The following AUTS2 variants were observed in gnomAD, a reference collection of about 807,000 sequenced individuals.
AUTS2 encodes the protein activator of transcription and developmental regulator AUTS2, also known as autism susceptibility gene 2 protein.
Under a neutral mutation model 112.4 loss-of-function variants are expected in AUTS2, and 17 were observed. That is an observed-to-expected ratio of 0.15 (90% CI 0.10 to 0.23). The LOEUF is 0.23. Among genes scored for constraint, AUTS2 ranks in the 10% least tolerant of loss-of-function variants. The probability of loss-of-function intolerance (pLI) is 1.00; values close to 1 mark genes in which losing one functional copy is unlikely to be tolerated. For missense variants in AUTS2, 1,510 were observed against 1,701.6 expected (o/e 0.89, Z 1.98); for synonymous variants, 751 against 702.7 (o/e 1.07, Z -1.09).
Position 70,115,422 on chromosome 7 carries a change from G to A in AUTS2, c.523-2710G>A, listed in dbSNP as rs139086865. On this transcript the variant is annotated intron_variant, in intron 2 of 18. Coordinates refer to ENST00000342771, the MANE Select transcript of AUTS2 (RefSeq NM_015570.4). Reference sequence around the variant, plus strand: ...ACTCCTGGGCTCAGGTGATCCCCCCGCTTCAGCCTCCCACAGTGCTGGGAT... The same window carrying A: ...ACTCCTGGGCTCAGGTGATCCCCCCACTTCAGCCTCCCACAGTGCTGGGAT... Among the ~76,000 whole-genome samples the A allele has an allele frequency of 2.4e-3, 372 of 152,228 alleles. 2 individuals are homozygous for A. Among genetic ancestry groups the A allele is most frequent in the Middle Eastern group, 0.02 (6 of 294 alleles).
At chr7:70,592,404 GA>G (rs1273871416) in intron 5 of AUTS2, among the ~76,000 whole-genome samples, 1 of 151,724 alleles carries the variant, frequency 6.6e-6, no homozygotes, top group Non-Finnish European at 1.5e-5. Context: ...TTGCCCTGTT[GA>G]CAGGCTGGAG....
intron 2 of AUTS2, among the ~76,000 whole-genome samples, chr7:69,917,120 C>G (rs948897430): frequency 2.0e-5 from 3 of 151,972 alleles, no homozygotes; most frequent in Admixed American, 2.0e-4. Context: ...TTCAAAATGT[C>G]CTTCTGCCTC....
intron 3 of AUTS2, among the ~76,000 whole-genome samples, chr7:70,127,117 C>T (rs1406275974): frequency 3.3e-5 from 5 of 151,530 alleles, no homozygotes; most frequent in Admixed American, 6.6e-5. Flanking sequence ...TAAGACACTG[C>T]GCCTGGCCTT....
intron 2 of AUTS2, among the ~76,000 whole-genome samples, chr7:70,021,301 A>C (rs184728791): frequency 7.5e-4 from 114 of 152,280 alleles, no homozygotes; most frequent in African/African-American, 2.7e-3. Flanking sequence ...TCTTGACTCC[A>C]CTTAAGCTCT....
At chr7:70,477,386 A>G (rs1797622367) in intron 5 of AUTS2, among the ~76,000 whole-genome samples, 1 of 152,208 alleles carries the variant, frequency 6.6e-6, no homozygotes, top group African/African-American at 2.4e-5. Flanking sequence ...AACAGGTTCT[A>G]TGAAGAGGAA....
At chr7:70,621,189 C>G (rs559569897) in intron 5 of AUTS2, among the ~76,000 whole-genome samples, 17 of 152,360 alleles carry the variant, frequency 1.1e-4, no homozygotes, top group African/African-American at 4.1e-4. Flanking sequence ...TGTTTCTGCC[C>G]CACAGTGTGG....
intron 2 of AUTS2, among the ~76,000 whole-genome samples, chr7:70,108,401 C>G (rs1295989335): frequency 6.6e-6 from 1 of 152,036 alleles, no homozygotes; most frequent in Non-Finnish European, 1.5e-5. Context: ...GTTTTAAAAA[C>G]TTGTTAATAT....
chr7:70,607,379 C>T (rs543385107), intron 5 of AUTS2, among the ~76,000 whole-genome samples: 1 of 152,032 alleles, frequency 6.6e-6, no homozygotes, highest in Non-Finnish European at 1.5e-5. Context: ...TAAAAACGAA[C>T]CTAGTGGAGG....
At chr7:70,259,241 A>G (rs929712345) in intron 4 of AUTS2, among the ~76,000 whole-genome samples, 1 of 151,706 alleles carries the variant, frequency 6.6e-6, no homozygotes, top group Admixed American at 6.6e-5. Flanking sequence ...CCTGACAGGT[A>G]TGACCTCTGA....
intron 4 of AUTS2, among the ~76,000 whole-genome samples, chr7:70,294,485 GATTAGGT>G (rs1788844228): frequency 6.6e-6 from 1 of 152,200 alleles, no homozygotes; most frequent in Non-Finnish European, 1.5e-5. Flanking sequence ...GCTTTGCACA[GATTAGGT>G]TATTGGAAAG....
intron 5 of AUTS2, among the ~76,000 whole-genome samples, chr7:70,607,294 A>G (rs577838858): frequency 6.6e-6 from 1 of 152,278 alleles, no homozygotes; most frequent in East Asian, 1.9e-4. Flanking sequence ...TTTTAAAATA[A>G]GTATGCCTCT....
intron 5 of AUTS2, among the ~76,000 whole-genome samples, chr7:70,469,724 T>C (rs1797304604): frequency 6.6e-6 from 1 of 152,168 alleles, no homozygotes; most frequent in Non-Finnish European, 1.5e-5. Context: ...CACTGCAACC[T>C]CCACCTCCTG....
chr7:69,710,760 T>C (rs192711042), intron 1 of AUTS2, among the ~76,000 whole-genome samples: 25 of 152,340 alleles, frequency 1.6e-4, no homozygotes, highest in Non-Finnish European at 3.7e-4. Context: ...TCCATTGCGC[T>C]GTTTAAATTT....
rs147691301 is a variant in AUTS2, at chr7:69,887,527, A to G, written c.310-11759A>G. 6.3e-3 allele frequency among the ~76,000 whole-genome samples: 964 copies of G among 152,276 alleles called. 10 individuals are homozygous for G. The highest frequency in any genetic ancestry group is 0.022 in the African/African-American group (919 of 41,552). On this transcript the variant is annotated intron_variant, in intron 1 of 18. Coordinates refer to ENST00000342771, the MANE Select transcript of AUTS2 (RefSeq NM_015570.4). Reference sequence around the variant, plus strand: ...CATTTTACACTTATCACTTACGGTAACTACAATAGAATCAGTGAGCTAGTT... The same window carrying G: ...CATTTTACACTTATCACTTACGGTAGCTACAATAGAATCAGTGAGCTAGTT...
intron 4 of AUTS2, among the ~76,000 whole-genome samples, chr7:70,431,376 C>G (rs575240214): frequency 6.6e-5 from 10 of 152,162 alleles, no homozygotes; most frequent in African/African-American, 2.4e-4. Context: ...TAAAATGTAT[C>G]CAGTAAATAT....
intron 5 of AUTS2, among the ~76,000 whole-genome samples, chr7:70,648,571 T>C (rs1806305955): frequency 6.6e-6 from 1 of 152,130 alleles, no homozygotes; most frequent in Non-Finnish European, 1.5e-5. Context: ...TTTTGGTTTT[T>C]GGTTTTTTGT....
At chr7:69,639,294 A>G (rs1262088599) in intron 1 of AUTS2, among the ~76,000 whole-genome samples, 6 of 152,232 alleles carry the variant, frequency 3.9e-5, no homozygotes, top group Non-Finnish European at 5.9e-5. Context: ...ATGCAAATGT[A>G]GCAGATCTCG....
intron 5 of AUTS2, among the ~76,000 whole-genome samples, chr7:70,488,503 G>T (rs550489668): frequency 6.6e-6 from 1 of 152,070 alleles, no homozygotes; most frequent in Middle Eastern, 3.4e-3. Flanking sequence ...TCTCAGTTCT[G>T]TCCCCTAACC....
At chr7:70,128,899 T>C (rs1408736152) in intron 3 of AUTS2, among the ~76,000 whole-genome samples, 1 of 152,244 alleles carries the variant, frequency 6.6e-6, no homozygotes, top group Non-Finnish European at 1.5e-5. Flanking sequence ...TCCTGGCTTA[T>C]AGATGCATCA....
Sources: gnomAD v4.1 joint callset for allele counts (sites outside exome capture counted in the v4.1 genomes callset) on GRCh38, gnomAD v4.1.1 for gene constraint, MANE v1.5 for transcripts, NCBI Gene and HGNC (gene_info 2026-07-23, HGNC 2026-07-21) for gene names.